DST: variants seen among roughly 807,000 people sequenced by gnomAD.
DST encodes bullous pemphigoid antigen.
In DST, 253 loss-of-function variants were observed where a neutral mutation model predicts 875.2. The observed-to-expected ratio is 0.29, with a 90% confidence interval of 0.26 to 0.32. DST has a LOEUF of 0.32. DST is among the 10% of genes least tolerant of loss of function. The pLI is 1.00. For synonymous variants in DST, 3,124 were observed against 3,197.1 expected, an observed-to-expected ratio of 0.98 and a Z score of 0.77; for missense variants, 8,287 against 9,111.6, an observed-to-expected ratio of 0.91 and a Z score of 3.68.
In DST at chr6:56,606,628, T is replaced by C; in HGVS notation, c.8000A>G (p.Asn2667Ser). The change falls in exon 40 of 104, where the codon AAT becomes AGT. Residue 2667 changes from asparagine (N) to serine (S), a missense_variant. Physicochemically the swap from Asn to Ser is conservative, Grantham distance 46. This residue lies in a region of DST where 3,138 missense variants were observed against 3,116.6 expected (regional missense o/e 1.01). Coordinates refer to ENST00000680361, the MANE Select transcript of DST (RefSeq NM_001374736.1). ...TGGTGCCCCCTGGGGAACCATGGAA[T>C]TTTCATTCTCTTTTGAGACATCATA... ...VFYDVSKENE[N>S]SMVPQGAPVG... The C allele has an allele frequency of 6.2e-7, 1 of 1,613,616 alleles. No individual in the cohort carries two copies. The highest frequency in any genetic ancestry group is 8.5e-7 in the Non-Finnish European group (1 of 1,179,632).
chr6:56,509,639 T>C lies in DST; in HGVS notation c.19012+3A>G. 6.2e-7 allele frequency: 1 copy of C among 1,608,314 alleles called. No individual in the cohort carries two copies. Among genetic ancestry groups the C allele is most frequent in the Non-Finnish European group, 8.5e-7 (1 of 1,175,674 alleles). On this transcript the variant is annotated splice_donor_region_variant and intron_variant, in intron 74 of 103. Transcript: ENST00000680361. The stretch of plus-strand genomic sequence containing the variant: ...ATTTGTTTCCCTATTCCAAAAGTAT[T>C]ACCTTTGGCAGATATGTCTTTATCA...
Position 56,608,202 on chromosome 6 carries a change from T to C in DST, c.6426A>G (p.Thr2142=), listed in dbSNP as rs185048847. ...CTAAATCTGGCATTTTATCAGGCAG[T>C]GTTATATTTTTTAAAATTGATGCTG... ...NNTASILKNI[T]LPDKMPDLGD... Residue 2142 remains threonine, a synonymous_variant, in exon 40 of 104, where the codon ACA becomes ACG. Transcript: ENST00000680361. The C allele has an allele frequency of 5.0e-4, 803 of 1,613,612 alleles. 9 individuals are homozygous for C. In the East Asian group the frequency reaches 0.015, roughly 31 times the overall value.
intron 4 of DST, among the ~76,000 whole-genome samples, chr6:56,751,289 C>T (rs1038544044): frequency 6.6e-6 from 1 of 151,844 alleles, no homozygotes; most frequent in Admixed American, 6.6e-5. Flanking sequence ...ATTAAATAGA[C>T]GTCACCAATA....
chr6:56,839,458 T>C (rs1348390494), intron 4 of DST, among the ~76,000 whole-genome samples: 2 of 152,222 alleles, frequency 1.3e-5, no homozygotes, highest in Non-Finnish European at 2.9e-5. Context: ...GCTATAATAT[T>C]ATCATGATGC....
At chr6:56,938,108 C>CTCTCTCTCTCTCTCTCTATATA (rs1383243392) in intron 2 of DST, among the ~76,000 whole-genome samples, 6 of 120,728 alleles carry the variant, frequency 5.0e-5, no homozygotes, top group African/African-American at 1.8e-4. Context: ...CTCTCTCTCT[C>CTCTCTCTCTCTCTCTCTATATA]TATATATATA....
At chr6:56,682,497 C>T (rs988449354) in intron 9 of DST, among the ~76,000 whole-genome samples, 1 of 152,176 alleles carries the variant, frequency 6.6e-6, no homozygotes, top group South Asian at 2.1e-4. Context: ...TACTCTTACA[C>T]ACAACACTGA....
At chr6:56,723,606 G>A (rs1045662424) in intron 5 of DST, among the ~76,000 whole-genome samples, 6 of 152,088 alleles carry the variant, frequency 3.9e-5, no homozygotes, top group Non-Finnish European at 7.4e-5. Flanking sequence ...AAACATTTCT[G>A]CAATGACCAC....
At chr6:56,881,429 T>C (rs188436813) in intron 3 of DST, among the ~76,000 whole-genome samples, 54 of 152,054 alleles carry the variant, frequency 3.6e-4, no homozygotes, top group African/African-American at 1.3e-3. Context: ...GCCAAGACCA[T>C]GCCATTACAC....
rs75167310 is a variant in DST at position 56,692,763 on chromosome 6, T to C, written c.1047+6890A>G. The C allele has an allele frequency of 9.8e-4, 1,262 of 1,289,856 alleles. 1 individual carries two copies. The highest frequency in any genetic ancestry group is 1.2e-3 in the Non-Finnish European group (1,184 of 988,878). The allele number at this position is 1,289,856 out of a possible 1,614,324, so 79.9% of individuals were successfully genotyped here. On this transcript the variant is annotated intron_variant, in intron 9 of 103. Coordinates refer to ENST00000680361, the MANE Select transcript of DST (RefSeq NM_001374736.1). ...TAACTTTTACTTCTGTTTCACTGTC[T>C]TTAGCAGGAGAAGTGTTCACACAGT...
chr6:56,517,710 C>T, intron 69 of DST, 90 bp from the exon 70 acceptor site: 1 of 1,428,114 alleles, frequency 7.0e-7, no homozygotes, highest in Non-Finnish European at 9.3e-7. Flanking sequence ...ATCCTTATTA[C>T]ACAAGTGGAA....
chr6:56,924,120 T>C (rs919831422), intron 2 of DST, among the ~76,000 whole-genome samples: 4 of 151,666 alleles, frequency 2.6e-5, no homozygotes, highest in African/African-American at 9.7e-5. Flanking sequence ...CAAGCCACCA[T>C]CTCAAAAAAA....
chr6:56,871,497 G>C, intron 3 of DST: 1 of 1,521,616 alleles, frequency 6.6e-7, no homozygotes, highest in Non-Finnish European at 9.1e-7. Context: ...GAGTGATGCT[G>C]AACTTAAGGG....
At chr6:56,570,347 AAT>A (rs528170486) in intron 53 of DST, among the ~76,000 whole-genome samples, 156 of 152,268 alleles carry the variant, frequency 1.0e-3, no homozygotes, top group Middle Eastern at 3.4e-3. Context: ...AACTCGCCAT[AAT>A]GTAGAATCAA....
Position 56,606,278 on chromosome 6 carries a change from G to C in DST, c.8350C>G (p.His2784Asp). 1 of 1,585,074 alleles carries C rather than the reference G, an allele frequency of 6.3e-7. No individual in the cohort carries two copies. Among genetic ancestry groups the C allele is most frequent in the South Asian group, 1.1e-5 (1 of 88,000 alleles). Reference sequence around the variant, plus strand: ...TCTTCACTTTGCATAGAATCTAAATGATCAGTATCGGAGTGAAATTCCTGT... The same window carrying C: ...TCTTCACTTTGCATAGAATCTAAATCATCAGTATCGGAGTGAAATTCCTGT... ...TGQEFHSDTD[H>D]LDSMQSEESY... Residue 2784 changes from histidine to aspartate, a missense_variant, in exon 40 of 104, where the codon CAT (histidine) becomes GAT (aspartate). His to Asp is a moderately conservative substitution (Grantham distance 81, BLOSUM62 -1). This residue lies in a region of DST where 3,138 missense variants were observed against 3,116.6 expected (regional missense o/e 1.01). Coordinates refer to ENST00000680361, the MANE Select transcript of DST (RefSeq NM_001374736.1).
chr6:56,778,523 T>C, intron 4 of DST, among the ~76,000 whole-genome samples: 2 of 123,850 alleles, frequency 1.6e-5, no homozygotes, highest in African/African-American at 5.9e-5. Context: ...CCAAATGGTA[T>C]CCCTCCCCCC....
intron 4 of DST, among the ~76,000 whole-genome samples, chr6:56,824,306 C>G (rs2099776840): frequency 6.6e-6 from 1 of 152,226 alleles, no homozygotes; most frequent in Non-Finnish European, 1.5e-5. Context: ...CTCGTTCACT[C>G]AGTGCTCAAT....
Position 56,703,646 on chromosome 6 carries a change from A to T in DST, c.876+2T>A. 1 of 978,004 alleles carries T rather than the reference A, an allele frequency of 1.0e-6. No homozygotes were observed. The highest frequency in any genetic ancestry group is 1.2e-6 in the Non-Finnish European group (1 of 823,350). 60.6% of individuals were successfully genotyped at this position (978,004 alleles called of 1,614,324 possible). ...TAGTCAAGTTATGGGGGCGACACCTACCCCCTTATCCTCATCCTCCACATC... is the reference window on the plus strand; with the variant it reads ...TAGTCAAGTTATGGGGGCGACACCTTCCCCCTTATCCTCATCCTCCACATC... On this transcript the variant is annotated splice_donor_variant, in intron 7 of 103. Transcript: ENST00000680361. LOFTEE classifies it high-confidence loss of function.
intron 9 of DST, among the ~76,000 whole-genome samples, chr6:56,672,289 C>T (rs2099105506): frequency 6.6e-6 from 1 of 152,156 alleles, no homozygotes; most frequent in Admixed American, 6.5e-5. Flanking sequence ...CTCCAGTGTT[C>T]AGCAGAGGCT....
chr6:56,761,539 C>T (rs984450642), intron 4 of DST, among the ~76,000 whole-genome samples: 17 of 152,134 alleles, frequency 1.1e-4, no homozygotes, highest in African/African-American at 4.1e-4. Flanking sequence ...CAAATGTTTT[C>T]AAATTCCAAC....
Sources: gnomAD v4.1 joint callset for allele counts (sites outside exome capture counted in the v4.1 genomes callset) on GRCh38, gnomAD v4.1.1 for gene constraint, gnomAD v4.1.1 regional missense constraint, MANE v1.5 for transcripts, NCBI Gene and HGNC (gene_info 2026-07-23, HGNC 2026-07-21) for gene names.